The following RASGRP3 variants were observed in gnomAD, a reference collection of about 807,000 sequenced individuals.
RASGRP3 encodes the protein ras guanyl-releasing protein 3.
In RASGRP3, 54 loss-of-function variants were observed where a neutral mutation model predicts 82.7. That is an observed-to-expected ratio of 0.65 (90% CI 0.52 to 0.82). The LOEUF is 0.82. Among genes scored for constraint, RASGRP3 ranks in the 40% least tolerant of loss-of-function variants. The pLI, the probability that RASGRP3 is intolerant of heterozygous loss-of-function variation, is 0.00. For synonymous variants in RASGRP3, 309 were observed against 300.5 expected, an observed-to-expected ratio of 1.03 and a Z score of -0.29; for missense variants, 861 against 828.9, an observed-to-expected ratio of 1.04 and a Z score of -0.48.
At chr2:33,555,489 C>A in intron 14 of RASGRP3, 42 bp from the exon 15 acceptor site, 3 of 1,543,874 alleles carry the variant, frequency 1.9e-6, no homozygotes, top group Non-Finnish European at 2.7e-6. Flanking sequence ...CCTTCCAGAT[C>A]TATCCTCAGA....
chr2:33,484,938 C>T (rs1274577853), intron 1 of RASGRP3, among the ~76,000 whole-genome samples: 3 of 152,152 alleles, frequency 2.0e-5, no homozygotes, highest in Non-Finnish European at 1.5e-5. Flanking sequence ...GTGGCTCACA[C>T]CTGTAATCCC....
At chr2:33,531,219 A>C (rs1046141268) in intron 10 of RASGRP3, among the ~76,000 whole-genome samples, 5 of 152,230 alleles carry the variant, frequency 3.3e-5, no homozygotes, top group Non-Finnish European at 5.9e-5. Flanking sequence ...AGGTTGGTAA[A>C]TGCAACAACT....
At chr2:33,455,714 A>C (rs759641863) in intron 2 of RASGRP3, among the ~76,000 whole-genome samples, 6 of 152,254 alleles carry the variant, frequency 3.9e-5, no homozygotes, top group Non-Finnish European at 7.3e-5. Flanking sequence ...GATTAAAACC[A>C]TCTAACCAAG....
chr2:33,520,478 T>TA, intron 5 of RASGRP3, 75 bp from the exon 6 acceptor site: 1 of 1,571,290 alleles, frequency 6.4e-7, no homozygotes, highest in South Asian at 1.2e-5. Flanking sequence ...ATGTAGTCTG[T>TA]AAAACGGTAC....
At chr2:33,556,370 C>T (rs1357757285) in intron 15 of RASGRP3, among the ~76,000 whole-genome samples, 1 of 123,552 alleles carries the variant, frequency 8.1e-6, no homozygotes, top group African/African-American at 4.0e-5. Flanking sequence ...GCCTCAGCCT[C>T]CCGAGTAGCT....
At chr2:33,458,990 TA>T (rs1459580931) in intron 2 of RASGRP3, among the ~76,000 whole-genome samples, 3 of 152,174 alleles carry the variant, frequency 2.0e-5, no homozygotes, top group Admixed American at 6.5e-5. Context: ...ATATATTTTT[TA>T]AAAAATTATG....
intron 1 of RASGRP3, among the ~76,000 whole-genome samples, chr2:33,480,561 C>T (rs530809357): frequency 6.6e-6 from 1 of 152,216 alleles, no homozygotes; most frequent in East Asian, 1.9e-4. Flanking sequence ...CGACAGAGTC[C>T]ACAAGTCATA....
chr2:33,558,465 C>G, intron 16 of RASGRP3, 129 bp downstream of exon 16: 1 of 1,391,542 alleles, frequency 7.2e-7, no homozygotes, highest in South Asian at 1.3e-5. Flanking sequence ...TTAGGGTGAG[C>G]AGCAGTAGCT....
chr2:33,487,248 A>G (rs578064135), intron 1 of RASGRP3, among the ~76,000 whole-genome samples: 171 of 152,338 alleles, frequency 1.1e-3, no homozygotes, highest in African/African-American at 4.0e-3. Flanking sequence ...TGTCAAGTAG[A>G]GGGATGACAT....
chr2:33,454,858 T>C (rs1377053944), intron 2 of RASGRP3, among the ~76,000 whole-genome samples: 2 of 152,242 alleles, frequency 1.3e-5, no homozygotes, highest in Non-Finnish European at 2.9e-5. Flanking sequence ...AAAAGGATTT[T>C]CTGGTTCTAT....
Position 33,521,968 on chromosome 2 carries a change from T to G in RASGRP3, c.382T>G (p.Trp128Gly). ...CTTCTTTTATAGTCCTTCCTATGAC[T>G]GGATGAGAAGAGTCACACAGAGGAA... ...IDISSIPSYDWMRRVTQRKKV... is the reference protein window; with the variant it reads ...IDISSIPSYDGMRRVTQRKKV... The change falls in exon 7 of 18, where the codon TGG (tryptophan) becomes GGG (glycine). Residue 128 changes from tryptophan to glycine, a missense_variant. By Grantham distance (184) the Trp-to-Gly change is radical. Coordinates refer to ENST00000403687, the MANE Select transcript of RASGRP3 (RefSeq NM_001139488.2). 1 of 1,612,128 alleles carries G rather than the reference T, an allele frequency of 6.2e-7. No homozygotes were observed. Among genetic ancestry groups the G allele is most frequent in the Non-Finnish European group, 8.5e-7 (1 of 1,179,424 alleles).
At chr2:33,466,060 G>A (rs888608822) in intron 2 of RASGRP3, among the ~76,000 whole-genome samples, 3 of 151,544 alleles carry the variant, frequency 2.0e-5, no homozygotes, top group Admixed American at 1.3e-4. Flanking sequence ...TGTACAAAGA[G>A]ATGAATGTTG....
intron 3 of RASGRP3, among the ~76,000 whole-genome samples, chr2:33,515,851 C>T (rs1671413049): frequency 6.6e-6 from 1 of 152,136 alleles, no homozygotes; most frequent in South Asian, 2.1e-4. Context: ...ACTATAGAAA[C>T]CAGAGTTAAA....
In RASGRP3 at chr2:33,522,085, T is replaced by C; in HGVS notation, c.499T>C (p.Ser167Pro). The change falls in exon 7 of 18, where the codon TCT becomes CCT. Residue 167 changes from serine to proline, a missense_variant. By Grantham distance (74) the Ser-to-Pro change is moderately conservative. Coordinates refer to ENST00000403687, the MANE Select transcript of RASGRP3 (RefSeq NM_001139488.2). ...GCACCTCACTTTTCTGGAGCATAAA[T>C]CTTTTAGAAGGATCTCAGTAAGAAA... is the stretch of plus-strand genomic sequence containing the variant. ...AEHLTFLEHK[S>P]FRRISFTDYQ... 2 of 1,607,972 alleles carry C rather than the reference T, an allele frequency of 1.2e-6. No individual in the cohort carries two copies. Among genetic ancestry groups the C allele is most frequent in the Non-Finnish European group, 1.7e-6 (2 of 1,178,510 alleles).
At chr2:33,489,495 T>C (rs943185974) in intron 1 of RASGRP3, among the ~76,000 whole-genome samples, 1 of 152,256 alleles carries the variant, frequency 6.6e-6, no homozygotes, top group Non-Finnish European at 1.5e-5. Flanking sequence ...CAGGCAAGGA[T>C]ACTGATATTT....
At position 33,452,839 on chromosome 2, in the gene RASGRP3, T is replaced by C. The variant is rs1295897468; in HGVS notation, c.-261+4896T>C. On this transcript the variant is annotated intron_variant, in intron 2 of 18. Coordinates refer to the RASGRP3 transcript ENST00000402538. ...GCAGCCTGATGCTATAGAGGCCTGC[T>C]TGCAGCCTGGGGCCATAGGGGCTGG... Among the ~76,000 whole-genome samples the C allele has an allele frequency of 2.6e-5, 4 of 152,160 alleles. 1 individual carries two copies. The East Asian group carries it at 7.7e-4, about 29-fold the overall frequency.
At chr2:33,462,974 A>T (rs1531126) in intron 2 of RASGRP3, among the ~76,000 whole-genome samples, 128,739 of 152,156 alleles carry the variant, frequency 0.85, 54,735 homozygotes, top group African/African-American at 0.92. Flanking sequence ...TTATTTATTT[A>T]ACTATAAGAA....
At chr2:33,548,090 G>C (rs965593893) in intron 13 of RASGRP3, among the ~76,000 whole-genome samples, 1 of 152,094 alleles carries the variant, frequency 6.6e-6, no homozygotes, top group Non-Finnish European at 1.5e-5. Context: ...GGCTGGGCGC[G>C]GTGGCTCACG....
chr2:33,449,681 C>G (rs929902164), intron 2 of RASGRP3, among the ~76,000 whole-genome samples: 7 of 151,978 alleles, frequency 4.6e-5, no homozygotes, highest in Admixed American at 3.9e-4. Context: ...ATTGCTTGAA[C>G]CTGAGAGGCA....
Sources: allele counts gnomAD v4.1 joint callset (sites outside exome capture counted in the v4.1 genomes callset), GRCh38; gene constraint gnomAD v4.1.1; transcripts MANE v1.5; gene names NCBI Gene and HGNC (gene_info 2026-07-23, HGNC 2026-07-21).